The following LAMP3 variants were observed in gnomAD, a reference collection of about 807,000 sequenced individuals.
The protein encoded by LAMP3 is lysosome associated membrane protein 3.
In LAMP3, 26 loss-of-function variants were observed where a neutral mutation model predicts 34.8. The ratio of observed to expected loss-of-function variants is 0.75; its 90% CI spans 0.55 to 1.04. The LOEUF (loss-of-function observed/expected upper bound fraction) is 1.04, where lower values mean the gene tolerates loss of function less well. LAMP3 is among the 50% of genes least tolerant of loss of function. The pLI, the probability that LAMP3 is intolerant of heterozygous loss-of-function variation, is 0.00. For synonymous variants in LAMP3, 180 were observed against 201.9 expected, an observed-to-expected ratio of 0.89 and a Z score of 0.92; for missense variants, 495 against 524.0, an observed-to-expected ratio of 0.94 and a Z score of 0.54.
At chr3:183,159,803 G>A (rs913666599) in intron 1 of LAMP3, among the ~76,000 whole-genome samples, 2 of 152,228 alleles carry the variant, frequency 1.3e-5, no homozygotes, top group Non-Finnish European at 2.9e-5. Context: ...CTGAGTTTTA[G>A]CAAAAGAAGG....
At chr3:183,156,843 G>A (rs1212223108) in intron 1 of LAMP3, among the ~76,000 whole-genome samples, 1 of 152,174 alleles carries the variant, frequency 6.6e-6, no homozygotes, top group South Asian at 2.1e-4. Flanking sequence ...TTGGGGCGGA[G>A]ACTTGAGCAC....
rs1236609758 is a variant in LAMP3, at chr3:183,154,337, T to G, written c.104A>C (p.Asp35Ala). Reference sequence around the variant, plus strand: ...TGCTGCTGCAGTAGGTTGAGAATAATCTCTGGTTTCTGGAAATGCTTTTGC... The same window carrying G: ...TGCTGCTGCAGTAGGTTGAGAATAAGCTCTGGTTTCTGGAAATGCTTTTGC... ...MRAKAFPETR[D>A]YSQPTAAATV... Residue 35 changes from aspartate (D) to alanine (A), a missense_variant, in exon 2 of 6, where the codon GAT becomes GCT. Physicochemically the swap from Asp to Ala is moderately radical, Grantham distance 126. Coordinates refer to ENST00000265598, the MANE Select transcript of LAMP3 (RefSeq NM_014398.4). 1 of 1,610,454 alleles carries G rather than the reference T, an allele frequency of 6.2e-7. No individual in the cohort carries two copies. Among genetic ancestry groups the G allele is most frequent in the East Asian group, 2.2e-5 (1 of 44,864 alleles).
intron 3 of LAMP3, among the ~76,000 whole-genome samples, chr3:183,149,946 A>G (rs1560312809): frequency 6.6e-6 from 1 of 152,182 alleles, no homozygotes; most frequent in Non-Finnish European, 1.5e-5. Flanking sequence ...GGCCAGTGGG[A>G]ATTTTTACCT....
intron 3 of LAMP3, among the ~76,000 whole-genome samples, chr3:183,143,586 A>G (rs959785626): frequency 6.6e-6 from 1 of 152,126 alleles, no homozygotes; most frequent in African/African-American, 2.4e-5. Context: ...CCCTTTCCAT[A>G]TGGTATTTAA....
chr3:183,134,592 A>G (rs1337227544), intron 5 of LAMP3, among the ~76,000 whole-genome samples: 1 of 152,200 alleles, frequency 6.6e-6, no homozygotes, highest in East Asian at 1.9e-4. Flanking sequence ...TGGATGACAA[A>G]TGGGGCCAAC....
At chr3:183,131,212 A>T (rs1223635802) in intron 5 of LAMP3, among the ~76,000 whole-genome samples, 1 of 152,236 alleles carries the variant, frequency 6.6e-6, no homozygotes, top group Non-Finnish European at 1.5e-5. Context: ...TTAAGTGGTC[A>T]TATCCCTCTA....
At chr3:183,158,491 C>A (rs1355063815) in intron 1 of LAMP3, among the ~76,000 whole-genome samples, 1 of 149,260 alleles carries the variant, frequency 6.7e-6, no homozygotes, top group African/African-American at 2.5e-5. Flanking sequence ...CCCCACCCCA[C>A]CCCAGCCTCC....
chr3:183,163,700 C>G (rs1483433311), upstream of LAMP3: 1 of 152,356 alleles, frequency 6.6e-6, no homozygotes, highest in African/African-American at 2.4e-5. Context: ...CCCCTAAGCA[C>G]CCTGACTCCA....
In LAMP3 at chr3:183,154,045, ATAAGGGGCTAAGC is replaced by A; in HGVS notation, c.383_395del (p.Ser128IlefsTer43). On this transcript the variant is annotated frameshift_variant, in exon 2 of 6. Coordinates refer to ENST00000265598, the MANE Select transcript of LAMP3 (RefSeq NM_014398.4). LOFTEE classifies it high-confidence loss of function. ...GTGGGGTGATGGTGGGTGGCAGTGA[ATAAGGGGCTAAGC>A]TAGGGCCGACTGTAACTTCAGTAAC... 1 of 1,614,098 alleles carries A rather than the reference ATAAGGGGCTAAGC, an allele frequency of 6.2e-7. No individual in the cohort carries two copies.
Position 183,154,207 on chromosome 3 carries a change from C to T in LAMP3, c.234G>A (p.Ala78=), listed in dbSNP as rs753981436. Residue 78 remains alanine, a synonymous_variant, in exon 2 of 6, where the codon GCG becomes GCA. Coordinates refer to ENST00000265598, the MANE Select transcript of LAMP3 (RefSeq NM_014398.4). The part of the protein sequence containing the change: ...FMDGHITFQT[A]ATVKIPTTTP... ...TAGTTGTTGGAATTTTTACTGTGGC[C>T]GCTGTTTGAAAGGTGATATGACCAT... 9.9e-6 allele frequency: 16 copies of T among 1,613,802 alleles called. No homozygotes were observed. Among genetic ancestry groups the T allele is most frequent in the East Asian group, 8.9e-5 (4 of 44,882 alleles).
At chr3:183,145,310 AC>A (rs1720407113) in intron 3 of LAMP3, among the ~76,000 whole-genome samples, 1 of 151,836 alleles carries the variant, frequency 6.6e-6, no homozygotes, top group Non-Finnish European at 1.5e-5. Context: ...ACCTCTCCTG[AC>A]CCCTCTAGGG....
chr3:183,162,693 G>T lies in LAMP3; in HGVS notation c.-38C>A, dbSNP rs932668397. Reference sequence around the variant, plus strand: ...GCGAGGTTCTGCAGCGTGCGGCGAAGTCCGGGCAGGCCCCGAATCGGTGCC... The same window carrying T: ...GCGAGGTTCTGCAGCGTGCGGCGAATTCCGGGCAGGCCCCGAATCGGTGCC... On this transcript the variant is annotated 5_prime_UTR_variant, in exon 1 of 6. Transcript: ENST00000265598. 20 of 1,492,104 alleles carry T rather than the reference G, an allele frequency of 1.3e-5. No homozygotes were observed. In the African/African-American group the frequency reaches 2.6e-4, roughly 19 times the overall value. 92.4% of individuals were successfully genotyped at this position (1,492,104 alleles called of 1,614,324 possible).
chr3:183,162,988 C>A (rs768137196), upstream of LAMP3: 24 of 269,642 alleles, frequency 8.9e-5, no homozygotes, highest in Non-Finnish European at 1.5e-4. Context: ...GACGAAGTCT[C>A]GCTCTGTCGC....
rs189233925 is a variant in LAMP3 at position 183,153,913 on chromosome 3, C to T, written c.528G>A (p.Leu176=). The change falls in exon 2 of 6, where the codon CTG becomes CTA. Residue 176 remains leucine (L), a synonymous_variant. Coordinates refer to ENST00000265598, the MANE Select transcript of LAMP3 (RefSeq NM_014398.4). ...TTLPATLSIA[L]HKSTTGQKPV... ...GCTTCTGACCGGTTGTGCTTTTGTG[C>T]AGTGCTATCGATAAAGTTGCTGGAA... The T allele has an allele frequency of 5.0e-6, 8 of 1,614,128 alleles. No homozygotes were observed. The African/African-American group carries it at 8.0e-5, about 16-fold the overall frequency.
intron 5 of LAMP3, among the ~76,000 whole-genome samples, chr3:183,126,817 T>A (rs1719792010): frequency 6.6e-6 from 1 of 152,180 alleles, no homozygotes; most frequent in Non-Finnish European, 1.5e-5. Flanking sequence ...TTTATTAAGA[T>A]AGGATCATAC....
At chr3:183,162,799 G>A, upstream of LAMP3, 1 of 757,522 alleles carries the variant, frequency 1.3e-6, no homozygotes, top group Non-Finnish European at 2.0e-6. Flanking sequence ...GCCGCTGGGC[G>A]GGGAGGGAAA....
intron 5 of LAMP3, among the ~76,000 whole-genome samples, chr3:183,133,623 T>A (rs761223022): frequency 2.0e-5 from 3 of 152,236 alleles, no homozygotes; most frequent in Non-Finnish European, 4.4e-5. Flanking sequence ...CCCAAAGTGC[T>A]GGGATTACAG....
At chr3:183,153,629 C>A in intron 2 of LAMP3, 53 bp downstream of exon 2, 1 of 1,296,882 alleles carries the variant, frequency 7.7e-7, no homozygotes, top group Non-Finnish European at 1.1e-6. Flanking sequence ...AGCAAGGCAA[C>A]CTCCACTCAG....
chr3:183,141,351 C>G (rs1720278271), intron 3 of LAMP3, among the ~76,000 whole-genome samples: 1 of 152,140 alleles, frequency 6.6e-6, no homozygotes, highest in Admixed American at 6.5e-5. Context: ...CAAAAACAAA[C>G]TACAAAACAG....
Sources: gnomAD v4.1 joint callset for allele counts (sites outside exome capture counted in the v4.1 genomes callset) on GRCh38, gnomAD v4.1.1 for gene constraint, MANE v1.5 for transcripts, NCBI Gene and HGNC (gene_info 2026-07-23, HGNC 2026-07-21) for gene names.